Variants in LUZP2 observed in about 807,000 individuals in gnomAD.
The protein encoded by LUZP2 is leucine zipper protein 2.
Under a neutral mutation model 51.6 loss-of-function variants are expected in LUZP2, and 52 were observed. That is an observed-to-expected ratio of 1.01 (90% CI 0.81 to 1.27). The LOEUF (loss-of-function observed/expected upper bound fraction) is 1.27. Ranked by LOEUF, LUZP2 falls within the 50% of genes most tolerant of loss-of-function variation. LUZP2 has a pLI of 0.00. For missense variants in LUZP2, 436 were observed against 395.4 expected, an observed-to-expected ratio of 1.10 and a Z score of -0.87; for synonymous variants, 154 against 137.3, an observed-to-expected ratio of 1.12 and a Z score of -0.85.
At chr11:24,977,232 A>G (rs1338237737) in intron 8 of LUZP2, among the ~76,000 whole-genome samples, 1 of 151,676 alleles carries the variant, frequency 6.6e-6, no homozygotes, top group Non-Finnish European at 1.5e-5. Flanking sequence ...TGGAAATAGT[A>G]ATTAAAATAT....
intron 9 of LUZP2, among the ~76,000 whole-genome samples, chr11:24,988,366 G>A (rs1209797248): frequency 6.6e-5 from 10 of 151,868 alleles, no homozygotes; most frequent in Admixed American, 6.6e-4. Context: ...TTTTCAGTGG[G>A]AAACAAGAGA....
At chr11:24,608,867 T>G (rs971276747) in intron 1 of LUZP2, among the ~76,000 whole-genome samples, 1 of 151,992 alleles carries the variant, frequency 6.6e-6, no homozygotes, top group African/African-American at 2.4e-5. Context: ...CAAACTTCTT[T>G]CAGATTTTCA....
intron 5 of LUZP2, among the ~76,000 whole-genome samples, chr11:24,851,858 T>A (rs1052168987): frequency 1.3e-5 from 2 of 152,256 alleles, no homozygotes; most frequent in Non-Finnish European, 2.9e-5. Context: ...GGGTGTTAAG[T>A]GTCCAGGAAT....
chr11:24,968,803 A>G (rs1483330160), intron 7 of LUZP2, among the ~76,000 whole-genome samples: 2 of 152,210 alleles, frequency 1.3e-5, no homozygotes, highest in East Asian at 1.9e-4. Flanking sequence ...ATCTTGGGCC[A>G]TTGCTCTTCG....
At chr11:24,522,941 G>A (rs1480535495) in intron 1 of LUZP2, among the ~76,000 whole-genome samples, 1 of 151,862 alleles carries the variant, frequency 6.6e-6, no homozygotes, top group Non-Finnish European at 1.5e-5. Flanking sequence ...CCAAACTTCT[G>A]TGCCTTACCT....
Position 24,713,834 on chromosome 11 carries a change from G to A in LUZP2, c.63-15335G>A, listed in dbSNP as rs147634614. ...CTCCTGAGTAGCTGGAATTATAGGC[G>A]TGCAGCACCATGCCTGGCCATTTTT... On this transcript the variant is annotated intron_variant, in intron 1 of 11. Coordinates refer to ENST00000336930, the MANE Select transcript of LUZP2 (RefSeq NM_001009909.4). 6.0e-3 allele frequency among the ~76,000 whole-genome samples: 901 copies of A among 149,618 alleles called. 14 individuals carry two copies. The highest frequency in any genetic ancestry group is 0.021 in the African/African-American group (854 of 40,592).
At chr11:24,921,441 T>C (rs1374222281) in intron 7 of LUZP2, among the ~76,000 whole-genome samples, 1 of 152,060 alleles carries the variant, frequency 6.6e-6, no homozygotes, top group African/African-American at 2.4e-5. Context: ...GAGGTGGCCA[T>C]TACACTTGGC....
At chr11:24,965,235 C>T (rs994948975) in intron 7 of LUZP2, among the ~76,000 whole-genome samples, 8 of 148,786 alleles carry the variant, frequency 5.4e-5, no homozygotes, top group African/African-American at 2.0e-4. Context: ...GTTATCAATT[C>T]TAGACATGTA....
At chr11:24,737,731 C>A (rs541425731) in intron 3 of LUZP2, among the ~76,000 whole-genome samples, 1 of 152,076 alleles carries the variant, frequency 6.6e-6, no homozygotes, top group South Asian at 2.1e-4. Context: ...TTTCTTTTCC[C>A]TGTTTTTACA....
chr11:24,880,126 G>A (rs547082193), intron 5 of LUZP2, among the ~76,000 whole-genome samples: 5 of 152,296 alleles, frequency 3.3e-5, no homozygotes, highest in African/African-American at 1.2e-4. Context: ...CAAAACTCAA[G>A]GTTGGATTGC....
chr11:24,670,640 A>C (rs1373753849), intron 1 of LUZP2, among the ~76,000 whole-genome samples: 1 of 151,984 alleles, frequency 6.6e-6, no homozygotes, highest in Admixed American at 6.6e-5. Flanking sequence ...TGTATTGATA[A>C]ATTTCTAATC....
At chr11:25,076,539 G>A (rs1364285817) in intron 10 of LUZP2, among the ~76,000 whole-genome samples, 2 of 150,668 alleles carry the variant, frequency 1.3e-5, no homozygotes, top group African/African-American at 2.4e-5. Context: ...AAGAAAGGGA[G>A]GAAGGAAGAG....
intron 5 of LUZP2, among the ~76,000 whole-genome samples, chr11:24,833,963 G>A (rs922493956): frequency 1.3e-5 from 2 of 152,100 alleles, no homozygotes; most frequent in Non-Finnish European, 2.9e-5. Flanking sequence ...CATAAAGAAG[G>A]AAAGCTCATT....
intron 1 of LUZP2, among the ~76,000 whole-genome samples, chr11:24,609,698 C>A (rs1380068025): frequency 3.3e-5 from 4 of 120,616 alleles, no homozygotes; most frequent in African/African-American, 1.3e-4. Context: ...CCACTGCACT[C>A]CAGCCTGGAT....
chr11:24,775,049 T>G (rs960094613), intron 5 of LUZP2, among the ~76,000 whole-genome samples: 4 of 151,598 alleles, frequency 2.6e-5, no homozygotes, highest in Non-Finnish European at 5.9e-5. Flanking sequence ...ATTTCTAAAA[T>G]TGCTCAAAAC....
rs1854138762 is a variant in LUZP2, at chr11:24,611,965, A to G, written c.62+114660A>G. Reference sequence around the variant, plus strand: ...TTAAACTTTGAAAAACATGTCATTGATGACTTCAGGAAGAAGCATTTTAGG... The same window carrying G: ...TTAAACTTTGAAAAACATGTCATTGGTGACTTCAGGAAGAAGCATTTTAGG... On this transcript the variant is annotated intron_variant, in intron 1 of 11. Coordinates refer to ENST00000336930, the MANE Select transcript of LUZP2 (RefSeq NM_001009909.4). The surrounding 1 kb of genome is among the most constrained non-coding windows in gnomAD (Gnocchi z 4.6). Among the ~76,000 whole-genome samples the G allele has an allele frequency of 6.6e-6, 1 of 152,194 alleles. No homozygotes were observed. The highest frequency in any genetic ancestry group is 2.1e-4 in the South Asian group (1 of 4,838).
chr11:25,071,034 C>T (rs899512804), intron 10 of LUZP2, among the ~76,000 whole-genome samples: 4 of 151,772 alleles, frequency 2.6e-5, no homozygotes, highest in African/African-American at 7.3e-5. Context: ...CGAAACCATT[C>T]GTGTAAAGCA....
chr11:24,959,166 T>C (rs1855310248), intron 7 of LUZP2, among the ~76,000 whole-genome samples: 1 of 152,152 alleles, frequency 6.6e-6, no homozygotes, highest in South Asian at 2.1e-4. Context: ...AGGCTTGTAG[T>C]ATAGTTTGAA....
At chr11:24,529,429 G>A (rs2133820578) in intron 1 of LUZP2, among the ~76,000 whole-genome samples, 1 of 151,074 alleles carries the variant, frequency 6.6e-6, no homozygotes, top group East Asian at 1.9e-4. Flanking sequence ...TGGTCCTCCT[G>A]AAAGTGCATG....
Sources: allele counts gnomAD v4.1 joint callset (sites outside exome capture counted in the v4.1 genomes callset), GRCh38; gene constraint gnomAD v4.1.1; non-coding constraint Gnocchi (gnomAD v3.1); transcripts MANE v1.5; gene names NCBI Gene and HGNC (gene_info 2026-07-23, HGNC 2026-07-21).